Variants in SAMD5 observed in about 807,000 individuals in gnomAD.
The protein encoded by SAMD5 is sterile alpha motif domain containing 5, also known as sterile alpha motif domain-containing protein 5.
SAMD5 carries 13 observed loss-of-function variants against 11.3 expected under a neutral mutation model. The ratio of observed to expected loss-of-function variants is 1.15; its 90% CI spans 0.75 to 1.83. The LOEUF (loss-of-function observed/expected upper bound fraction) is 1.83. Among genes scored for constraint, SAMD5 ranks in the 40% most tolerant of loss-of-function variants. SAMD5 has a pLI of 0.00. For synonymous variants in SAMD5, 129 were observed against 111.3 expected (o/e 1.16, Z -1.00); for missense variants, 255 against 239.1 (o/e 1.07, Z -0.44).
At chr6:147,605,595 A>G (rs1789687695) in intron 1 of SAMD5, among the ~76,000 whole-genome samples, 1 of 152,216 alleles carries the variant, frequency 6.6e-6, no homozygotes, top group Non-Finnish European at 1.5e-5. Context: ...AATAGAGTGA[A>G]TGGGAGGGAT....
chr6:147,877,213 T>A, the SAMD5 span, among the ~76,000 whole-genome samples: 1 of 152,176 alleles, frequency 6.6e-6, no homozygotes, highest in Non-Finnish European at 1.5e-5. Context: ...TAACTAAATA[T>A]TAAATACTAA....
At chr6:147,666,023 C>T (rs1368242609) in intron 1 of SAMD5, among the ~76,000 whole-genome samples, 1 of 152,212 alleles carries the variant, frequency 6.6e-6, no homozygotes, top group Admixed American at 6.5e-5. Flanking sequence ...ACTGCAACCT[C>T]CGCCTCCAGG....
intron 1 of SAMD5, among the ~76,000 whole-genome samples, chr6:147,638,584 C>T (rs181007002): frequency 6.6e-6 from 1 of 152,278 alleles, no homozygotes. Context: ...GCAGGACTTG[C>T]CCTCAGTTTT....
At chr6:147,581,969 A>T (rs1306870913) in intron 1 of SAMD5, among the ~76,000 whole-genome samples, 1 of 152,146 alleles carries the variant, frequency 6.6e-6, no homozygotes, top group Non-Finnish European at 1.5e-5. Context: ...ATCATTAAGG[A>T]GCCAGCCCTT....
chr6:147,805,821 C>A, the SAMD5 span, among the ~76,000 whole-genome samples: 2 of 152,162 alleles, frequency 1.3e-5, no homozygotes, highest in South Asian at 2.1e-4. Flanking sequence ...AAGGGGCACT[C>A]ACAATTCACT....
intron 1 of SAMD5, among the ~76,000 whole-genome samples, chr6:147,647,375 G>A (rs1334568026): frequency 6.6e-6 from 1 of 151,878 alleles, no homozygotes; most frequent in Non-Finnish European, 1.5e-5. Flanking sequence ...TTAATTAATT[G>A]TGCAGTTGGT....
At chr6:147,939,545 C>T in the SAMD5 span, among the ~76,000 whole-genome samples, 1 of 152,168 alleles carries the variant, frequency 6.6e-6, no homozygotes, top group East Asian at 1.9e-4. Flanking sequence ...ATGCCAGAAA[C>T]CTAGGGACAA....
chr6:147,885,225 A>G, the SAMD5 span, among the ~76,000 whole-genome samples: 2 of 152,084 alleles, frequency 1.3e-5, no homozygotes, highest in African/African-American at 4.8e-5. Context: ...TTGGGAGGCC[A>G]AGGAGGGGTA....
intron 1 of SAMD5, among the ~76,000 whole-genome samples, chr6:147,620,962 C>CTGTGTGTGTGTGTGTG (rs78040354): frequency 5.1e-4 from 66 of 128,548 alleles, no homozygotes; most frequent in Middle Eastern, 4.0e-3. Context: ...GTATGTGCCT[C>CTGTGTGTGTGTGTGTG]TGTGTGTGTG....
chr6:147,613,867 G>A (rs376045349), intron 1 of SAMD5, among the ~76,000 whole-genome samples: 38 of 151,868 alleles, frequency 2.5e-4, no homozygotes, highest in African/African-American at 8.7e-4. Flanking sequence ...CCGTGGCTCC[G>A]CCTCCCAGCT....
chr6:147,564,945 GT>G lies in SAMD5; in HGVS notation c.*494del, dbSNP rs1465381974. ...TCTACTTCATTTCATATAGGACCATGTTTTTATAAGATAAGATACATAATTC... is the reference window on the plus strand; with the variant it reads ...TCTACTTCATTTCATATAGGACCATGTTTTATAAGATAAGATACATAATTC... On this transcript the variant is annotated 3_prime_UTR_variant, in exon 2 of 2. Transcript: ENST00000367474. 1 of 821,586 alleles carries G rather than the reference GT, an allele frequency of 1.2e-6. No homozygotes were observed. The highest frequency in any genetic ancestry group is 1.5e-6 in the Non-Finnish European group (1 of 681,872). The allele number at this position is 821,586 out of a possible 1,614,324, so 50.9% of individuals were successfully genotyped here.
intron 1 of SAMD5, among the ~76,000 whole-genome samples, chr6:147,588,021 A>G (rs1789399989): frequency 6.6e-6 from 1 of 152,152 alleles, no homozygotes; most frequent in African/African-American, 2.4e-5. Flanking sequence ...CTCTCTATAC[A>G]TAGATTTCTT....
chr6:147,544,255 T>A (rs1305750842), intron 1 of SAMD5, among the ~76,000 whole-genome samples: 1 of 152,226 alleles, frequency 6.6e-6, no homozygotes, highest in Non-Finnish European at 1.5e-5. Context: ...AATATTTATC[T>A]GAAATTCTGA....
chr6:147,859,595 A>C, the SAMD5 span, among the ~76,000 whole-genome samples: 1 of 152,338 alleles, frequency 6.6e-6, no homozygotes, highest in Admixed American at 6.5e-5. Context: ...TAAACTTTGT[A>C]AATATTCATT....
intron 1 of SAMD5, among the ~76,000 whole-genome samples, chr6:147,561,988 C>A (rs966047634): frequency 1.3e-5 from 2 of 152,164 alleles, no homozygotes; most frequent in African/African-American, 4.8e-5. Flanking sequence ...CTGCCCCCCA[C>A]CTACTCCCTC....
intron 1 of SAMD5, among the ~76,000 whole-genome samples, chr6:147,609,702 G>A (rs555622787): frequency 1.1e-4 from 16 of 151,962 alleles, no homozygotes; most frequent in Admixed American, 6.5e-4. Context: ...GATTACAGGC[G>A]CCCGCCACCA....
At chr6:147,653,073 C>A (rs931318252) in intron 1 of SAMD5, among the ~76,000 whole-genome samples, 3 of 151,872 alleles carry the variant, frequency 2.0e-5, no homozygotes, top group Non-Finnish European at 4.4e-5. Flanking sequence ...TCTGAGTAGT[C>A]CAAAGTGTTA....
intron 1 of SAMD5, among the ~76,000 whole-genome samples, chr6:147,555,181 A>G (rs1451856194): frequency 6.6e-6 from 1 of 152,208 alleles, no homozygotes; most frequent in Non-Finnish European, 1.5e-5. Context: ...TGTGTAACAA[A>G]ATGAGAACTA....
chr6:147,661,624 G>A (rs1159979197), intron 1 of SAMD5, among the ~76,000 whole-genome samples: 1 of 152,074 alleles, frequency 6.6e-6, no homozygotes. Flanking sequence ...CTTTGTGTTT[G>A]TTTGTTTATT....
Sources: gnomAD v4.1 joint callset for allele counts (sites outside exome capture counted in the v4.1 genomes callset) on GRCh38, gnomAD v4.1.1 for gene constraint, MANE v1.5 for transcripts, NCBI Gene and HGNC (gene_info 2026-07-23, HGNC 2026-07-21) for gene names.